DMD: variants seen among roughly 807,000 people sequenced by gnomAD.
DMD encodes dystrophin, also known as mutant dystrophin.
Under a neutral mutation model 330.1 loss-of-function variants are expected in DMD, and 63 were observed. That is an observed-to-expected ratio of 0.19 (90% confidence interval 0.16 to 0.24). The LOEUF (loss-of-function observed/expected upper bound fraction) is 0.24, where lower values mean the gene tolerates loss of function less well. Ranked by LOEUF, DMD falls within the 10% of genes least tolerant of loss-of-function variation. The probability of loss-of-function intolerance (pLI) is 1.00; values close to 1 mark genes in which losing one functional copy is unlikely to be tolerated. For missense variants in DMD, 3,344 were observed against 2,684.1 expected, an observed-to-expected ratio of 1.25 and a Z score of -5.43; for synonymous variants, 1,223 against 959.8, an observed-to-expected ratio of 1.27 and a Z score of -5.07.
intron 1 of DMD, among the ~76,000 whole-genome samples, chrX:33,325,471 A>G (rs761718028): frequency 2.8e-4 from 31 of 112,313 alleles, no homozygotes; most frequent in Non-Finnish European, 5.1e-4. Flanking sequence ...ATCTCATATC[A>G]TTTGATACAT....
At chrX:32,727,164 C>T (rs985893373) in intron 7 of DMD, among the ~76,000 whole-genome samples, 1 of 111,345 alleles carries the variant, frequency 9.0e-6, no homozygotes, top group Non-Finnish European at 1.9e-5. Context: ...TTCAGAAACA[C>T]TTCCAACTGG....
At chrX:31,274,421 G>T (rs976003129) in intron 62 of DMD, among the ~76,000 whole-genome samples, 1 of 111,960 alleles carries the variant, frequency 8.9e-6, no homozygotes, top group African/African-American at 3.3e-5. Flanking sequence ...ATTTGGTGGG[G>T]GACAGTGAGG....
At chrX:33,095,964 A>ATTTTTT (rs35906927) in intron 1 of DMD, among the ~76,000 whole-genome samples, 10 of 51,552 alleles carry the variant, frequency 1.9e-4, no homozygotes, top group Non-Finnish European at 2.3e-4. Flanking sequence ...TTCTTCCAGA[A>ATTTTTT]TTTTTTTTTT....
At position 31,856,033 on chromosome X, in the gene DMD, A is replaced by T. The variant is rs1359352360; in HGVS notation, c.7098+19155T>A. Among the ~76,000 whole-genome samples, 5 of 111,985 alleles carry T rather than the reference A, an allele frequency of 4.5e-5. No homozygotes were observed. In the Admixed American group the frequency reaches 4.8e-4, roughly 11 times the overall value. ...TGGATAAGGAATTGTAGACTTATAT[A>T]TTAGGTGCATATAATCCAGAACTCT... On this transcript the variant is annotated intron_variant, in intron 48 of 78. Transcript: ENST00000357033.
At chrX:32,793,474 A>G (rs2075968354) in intron 7 of DMD, among the ~76,000 whole-genome samples, 2 of 111,156 alleles carry the variant, frequency 1.8e-5, no homozygotes, top group African/African-American at 6.5e-5. Flanking sequence ...CAAAAAATAC[A>G]AAGTATCAAT....
At chrX:31,925,399 A>T (rs1441555019) in intron 47 of DMD, among the ~76,000 whole-genome samples, 2 of 111,710 alleles carry the variant, frequency 1.8e-5, no homozygotes, top group African/African-American at 6.5e-5. Flanking sequence ...ATGGGTAGTT[A>T]AAAAAATACC....
chrX:31,430,098 T>C lies in DMD; in HGVS notation c.9084+14383A>G, dbSNP rs763461798. Among the ~76,000 whole-genome samples the C allele has an allele frequency of 4.9e-4, 54 of 111,166 alleles. No individual in the cohort carries two copies. The Admixed American group carries it at 5.1e-3, about 10-fold the overall frequency. On this transcript the variant is annotated intron_variant, in intron 60 of 78. Transcript: ENST00000357033. ...TACCTAAAATTGCGTAATATGACCA[T>C]GTCCAATTCCGAAGAGGGCAATCAA...
At chrX:32,560,565 C>T (rs928603003) in intron 16 of DMD, among the ~76,000 whole-genome samples, 8 of 110,539 alleles carry the variant, frequency 7.2e-5, no homozygotes, top group African/African-American at 2.6e-4. Flanking sequence ...GCCCAGCATC[C>T]GTTAGCTATT....
intron 17 of DMD, among the ~76,000 whole-genome samples, chrX:32,522,077 G>T (rs2046482235): frequency 1.8e-5 from 2 of 111,915 alleles, no homozygotes; most frequent in Admixed American, 1.9e-4. Context: ...ATAAATTTCT[G>T]TGGTTTATAA....
intron 1 of DMD, among the ~76,000 whole-genome samples, chrX:33,073,187 A>G (rs1278626051): frequency 1.8e-5 from 2 of 111,823 alleles, no homozygotes; most frequent in Non-Finnish European, 3.8e-5. Flanking sequence ...AATATGTCAC[A>G]GCTCTAGGTA....
chrX:32,222,241 C>G (rs2097134231), intron 43 of DMD, among the ~76,000 whole-genome samples: 1 of 111,545 alleles, frequency 9.0e-6, no homozygotes, highest in Non-Finnish European at 1.9e-5. Flanking sequence ...ACATTCACAA[C>G]AAAATCTATT....
intron 2 of DMD, among the ~76,000 whole-genome samples, chrX:32,991,950 C>G (rs1376551468): frequency 8.9e-6 from 1 of 112,179 alleles, no homozygotes; most frequent in Non-Finnish European, 1.9e-5. Flanking sequence ...CTTGCAATTG[C>G]TTATTGTGAA....
chrX:31,303,143 T>C (rs1236957167), intron 62 of DMD, among the ~76,000 whole-genome samples: 1 of 111,845 alleles, frequency 8.9e-6, no homozygotes, highest in Non-Finnish European at 1.9e-5. Context: ...TAAAAATTAG[T>C]CTTTTTTATT....
chrX:32,912,030 GGAGA>G (rs58167255), intron 2 of DMD, among the ~76,000 whole-genome samples: 35 of 64,693 alleles, frequency 5.4e-4, no homozygotes, highest in South Asian at 3.3e-3. Flanking sequence ...GGAGAGAAGG[GGAGA>G]GAGAGAGAGA....
At chrX:31,448,477 T>C (rs989113138) in intron 59 of DMD, among the ~76,000 whole-genome samples, 1 of 111,948 alleles carries the variant, frequency 8.9e-6, no homozygotes, top group Non-Finnish European at 1.9e-5. Context: ...CACAGGTACT[T>C]TGCTATTTAA....
chrX:32,055,624 C>A (rs2096164962), intron 44 of DMD, among the ~76,000 whole-genome samples: 2 of 111,388 alleles, frequency 1.8e-5, no homozygotes, highest in Non-Finnish European at 3.8e-5. Flanking sequence ...TCACTAGGTT[C>A]TCCATGAATA....
intron 4 of DMD, among the ~76,000 whole-genome samples, chrX:32,835,519 A>G (rs748805888): frequency 3.5e-5 from 4 of 112,820 alleles, no homozygotes; most frequent in Admixed American, 9.4e-5. Context: ...TTTCTTCTCA[A>G]TAAGTGGCTT....
intron 13 of DMD, among the ~76,000 whole-genome samples, chrX:32,576,417 G>A (rs1222293656): frequency 9.1e-6 from 1 of 109,403 alleles, no homozygotes; most frequent in Admixed American, 9.9e-5. Flanking sequence ...TTGCACTTTG[G>A]GGCCATGACT....
At chrX:32,485,139 T>C in intron 20 of DMD, 40 bp from the exon 21 acceptor site, 2 of 1,167,424 alleles carry the variant, frequency 1.7e-6, no homozygotes, top group South Asian at 3.6e-5. Context: ...CACGTTTACT[T>C]TGCATACATT....
Sources: gnomAD v4.1 joint callset for allele counts (sites outside exome capture counted in the v4.1 genomes callset) on GRCh38, gnomAD v4.1.1 for gene constraint, MANE v1.5 for transcripts, NCBI Gene and HGNC (gene_info 2026-07-23, HGNC 2026-07-21) for gene names.